The following MYL12A variants were observed in gnomAD, a reference collection of about 807,000 sequenced individuals.
MYL12A encodes the protein myosin regulatory light chain 12A.
Under a neutral mutation model 13.3 loss-of-function variants are expected in MYL12A, and 11 were observed. The ratio of observed to expected loss-of-function variants is 0.83; its 90% CI spans 0.52 to 1.37. The LOEUF (loss-of-function observed/expected upper bound fraction) is 1.37. MYL12A is among the 40% of genes most tolerant of loss of function. The pLI, the probability that MYL12A is intolerant of heterozygous loss-of-function variation, is 0.00. For missense variants in MYL12A, 146 were observed against 212.3 expected (o/e 0.69, Z 1.94); for synonymous variants, 51 against 69.9 (o/e 0.73, Z 1.35).
chr18:3,250,037 A>G (rs925970221), intron 1 of MYL12A: 1 of 142,068 alleles, frequency 7.0e-6, no homozygotes, highest in African/African-American at 2.6e-5. Flanking sequence ...AATCTTTTCA[A>G]TTTATTTTAC....
rs1038505750 is a variant in MYL12A at position 3,247,891 on chromosome 18, A to T, written c.-34A>T. The T allele has an allele frequency of 6.6e-6, 1 of 152,134 alleles. No homozygotes were observed. Among genetic ancestry groups the T allele is most frequent in the Admixed American group, 6.5e-5 (1 of 15,272 alleles). The allele number at this position is 152,134 out of a possible 1,614,324, so 9.4% of individuals were successfully genotyped here. A position where few individuals can be genotyped will look rare whatever the true frequency, so the allele number is the denominator to read the frequency against. On this transcript the variant is annotated 5_prime_UTR_variant, in exon 1 of 4. Transcript: ENST00000217652. ...GCGAGGGGCTCGGAGAGGTGCTCGG[A>T]TTCTCGTAGCTGTGCCGGGTGAGTG...
At position 3,255,804 on chromosome 18, in the gene MYL12A, A is replaced by G; in HGVS notation, c.402A>G (p.Thr134=). 1 of 1,614,168 alleles carries G rather than the reference A, an allele frequency of 6.2e-7. No individual in the cohort carries two copies. The highest frequency in any genetic ancestry group is 1.1e-5 in the South Asian group (1 of 91,074). Residue 134 remains threonine (T), a synonymous_variant, in exon 4 of 4, where the codon ACA becomes ACG. Coordinates refer to ENST00000217652, the MANE Select transcript of MYL12A (RefSeq NM_006471.4). ...TGACAACCATGGGGGATCGGTTTAC[A>G]GATGAGGAAGTGGATGAGCTGTACA... The part of the protein sequence containing the change: ...ELLTTMGDRF[T]DEEVDELYRE...
intron 1 of MYL12A, among the ~76,000 whole-genome samples, chr18:3,250,629 A>C (rs1259026821): frequency 6.6e-6 from 1 of 152,214 alleles, no homozygotes; most frequent in Non-Finnish European, 1.5e-5. Context: ...AACTTCCTCA[A>C]CATTACACTG....
At chr18:3,253,630 G>A (rs2304926) in intron 2 of MYL12A, 548,826 of 699,078 alleles carry the variant, frequency 0.79, 218,914 homozygotes, top group East Asian at 0.82. Flanking sequence ...GTGTGTGTGT[G>A]TGTGTGTATA....
At chr18:3,252,208 G>A (rs760306083) in intron 1 of MYL12A, 308 of 791,458 alleles carry the variant, frequency 3.9e-4, no homozygotes, top group Non-Finnish European at 5.5e-4. Context: ...CCTGGTCAGA[G>A]TGAAATCAGT....
intron 3 of MYL12A, 156 bp from the exon 4 acceptor site, chr18:3,255,590 G>A: frequency 1.1e-6 from 1 of 910,784 alleles, no homozygotes; most frequent in Non-Finnish European, 1.6e-6. Flanking sequence ...GCACTTCTCT[G>A]CTGAGGCTGT....
intron 3 of MYL12A, 73 bp from the exon 4 acceptor site, chr18:3,255,673 T>G: frequency 6.6e-7 from 1 of 1,505,672 alleles, no homozygotes; most frequent in Non-Finnish European, 8.9e-7. Context: ...ACATGCTTAG[T>G]CAAGTATAGA....
chr18:3,252,520 T>G, intron 1 of MYL12A: 2 of 1,199,074 alleles, frequency 1.7e-6, no homozygotes, highest in South Asian at 4.1e-5. Context: ...TTAAGATGTT[T>G]TCTAAAACTT....
chr18:3,250,581 G>A (rs1179128112), intron 1 of MYL12A, among the ~76,000 whole-genome samples: 2 of 152,320 alleles, frequency 1.3e-5, no homozygotes, highest in African/African-American at 4.8e-5. Context: ...TCATAGATCA[G>A]AATCCAGCCT....
chr18:3,255,660 A>G (rs773275893), intron 3 of MYL12A, 86 bp from the exon 4 acceptor site: 168 of 1,439,664 alleles, frequency 1.2e-4, no homozygotes, highest in Non-Finnish European at 1.5e-4. Context: ...TGTAACATAC[A>G]GAACATGCTT....
chr18:3,255,155 T>A (rs1305201356), intron 3 of MYL12A, among the ~76,000 whole-genome samples: 1 of 152,240 alleles, frequency 6.6e-6, no homozygotes, highest in African/African-American at 2.4e-5. Flanking sequence ...TTCCATGTTT[T>A]TGCATGTGCT....
chr18:3,250,167 T>C (rs1349940636), intron 1 of MYL12A, among the ~76,000 whole-genome samples: 2 of 152,222 alleles, frequency 1.3e-5, no homozygotes, highest in African/African-American at 4.8e-5. Flanking sequence ...GGCACATGTA[T>C]ACATATGTAA....
At position 3,256,031 on chromosome 18, in the gene MYL12A, C is replaced by T. The variant is rs768030337; in HGVS notation, c.*113C>T. Reference sequence around the variant, plus strand: ...TTGCATTTCCTGTTGTATTTATTCTCAGCCATTTTGGGCATATGTATCTTT... The same window carrying T: ...TTGCATTTCCTGTTGTATTTATTCTTAGCCATTTTGGGCATATGTATCTTT... On this transcript the variant is annotated 3_prime_UTR_variant, in exon 4 of 4. Coordinates refer to ENST00000217652, the MANE Select transcript of MYL12A (RefSeq NM_006471.4). The T allele has an allele frequency of 1.4e-6, 2 of 1,388,402 alleles. No homozygotes were observed. Among genetic ancestry groups the T allele is most frequent in the Non-Finnish European group, 2.0e-6 (2 of 1,021,712 alleles). The allele number at this position is 1,388,402 out of a possible 1,614,324, so 86.0% of individuals were successfully genotyped here. A position where few individuals can be genotyped will look rare whatever the true frequency, so the allele number is the denominator to read the frequency against.
chr18:3,251,090 A>T lies in MYL12A; in HGVS notation c.-15-2143A>T, dbSNP rs533217844. Among the ~76,000 whole-genome samples the T allele has an allele frequency of 6.0e-4, 91 of 151,670 alleles. No individual in the cohort carries two copies. The Middle Eastern group carries it at 0.01, about 17-fold the overall frequency. On this transcript the variant is annotated intron_variant, in intron 1 of 3. Transcript: ENST00000217652. Reference sequence around the variant, plus strand: ...CATAATAAAATTGATAAGATTAAGTATTGAATGTGCTGAAGAAGAGCTCTA... The same window carrying T: ...CATAATAAAATTGATAAGATTAAGTTTTGAATGTGCTGAAGAAGAGCTCTA...
At chr18:3,254,140 C>G (rs2081515572) in intron 3 of MYL12A, 90 bp downstream of exon 3, 5 of 1,444,392 alleles carry the variant, frequency 3.5e-6, no homozygotes, top group African/African-American at 2.9e-5. Context: ...TGATAACGCT[C>G]TCAGGTTTGT....
At chr18:3,249,414 A>G (rs1424206916) in intron 1 of MYL12A, 1 of 152,116 alleles carries the variant, frequency 6.6e-6, no homozygotes, top group Non-Finnish European at 1.5e-5. Flanking sequence ...CATTGCCACC[A>G]GCGCTCACCT....
At chr18:3,247,763 G>C (rs191498394), upstream of MYL12A, 1 of 152,190 alleles carries the variant, frequency 6.6e-6, no homozygotes, top group South Asian at 2.1e-4. Context: ...CCCACTCTGC[G>C]GGCCAAGAAA....
intron 2 of MYL12A, 91 bp from the exon 3 acceptor site, chr18:3,253,795 GAAT>G: frequency 7.5e-7 from 1 of 1,340,374 alleles, no homozygotes; most frequent in Non-Finnish European, 1.0e-6. Context: ...TAAACTGTAT[GAAT>G]GATAATCTTT....
chr18:3,253,649 G>A, intron 2 of MYL12A: 1 of 679,346 alleles, frequency 1.5e-6, no homozygotes, highest in East Asian at 2.8e-5. Flanking sequence ...TAAAAACACT[G>A]ATCTTGATTA....
Sources: gnomAD v4.1 joint callset for allele counts (sites outside exome capture counted in the v4.1 genomes callset) on GRCh38, gnomAD v4.1.1 for gene constraint, MANE v1.5 for transcripts, NCBI Gene and HGNC (gene_info 2026-07-23, HGNC 2026-07-21) for gene names.